BRIP1: variants seen among roughly 807,000 people sequenced by gnomAD.
The protein encoded by BRIP1 is Fanconi anemia group J protein.
BRIP1 carries 88 observed loss-of-function variants against 119.7 expected under a neutral mutation model. The ratio of observed to expected loss-of-function variants is 0.74; its 90% CI spans 0.62 to 0.88. BRIP1 has a LOEUF of 0.88. Ranked by LOEUF, BRIP1 falls within the 40% of genes least tolerant of loss-of-function variation. The pLI, the probability that BRIP1 is intolerant of heterozygous loss-of-function variation, is 0.00. For synonymous variants in BRIP1, 443 were observed against 496.5 expected (o/e 0.89, Z 1.43); for missense variants, 1,259 against 1,455.4 (o/e 0.87, Z 2.20).
At position 61,842,925 on chromosome 17, in the gene BRIP1, CTA is replaced by C. The variant is rs1170711459; in HGVS notation, c.627+4174_627+4175del. On this transcript the variant is annotated intron_variant, in intron 6 of 19. Coordinates refer to ENST00000259008, the MANE Select transcript of BRIP1 (RefSeq NM_032043.3). The surrounding 1 kb of genome is among the most constrained non-coding windows in gnomAD (Gnocchi z 5.1). ...GTTATACAGTTAATAAAGAGTAGAG[CTA>C]TGATTAAAATCCAAGCAGTCTCAAG... Among the ~76,000 whole-genome samples the C allele has an allele frequency of 2.0e-5, 3 of 152,074 alleles. No homozygotes were observed.
chr17:61,847,234 A>T lies in BRIP1; in HGVS notation c.508-14T>A. 1 of 1,613,602 alleles carries T rather than the reference A, an allele frequency of 6.2e-7. No homozygotes were observed. The highest frequency in any genetic ancestry group is 1.1e-5 in the South Asian group (1 of 91,078). ...ACGTTTTCTAATCTGTAAACACAGA[A>T]CCAAAATGAAGTTTAAGGTGAACTA... is the stretch of plus-strand genomic sequence containing the variant. On this transcript the variant is annotated splice_polypyrimidine_tract_variant and intron_variant, in intron 5 of 19. Coordinates refer to ENST00000259008, the MANE Select transcript of BRIP1 (RefSeq NM_032043.3).
chr17:61,737,963 G>A (rs1567775341), intron 16 of BRIP1, among the ~76,000 whole-genome samples: 2 of 152,344 alleles, frequency 1.3e-5, no homozygotes, highest in East Asian at 3.9e-4. Context: ...GTTAGCAGAT[G>A]TGATGTAAAT....
chr17:61,718,861 G>A (rs376896304), intron 16 of BRIP1, among the ~76,000 whole-genome samples: 2 of 152,152 alleles, frequency 1.3e-5, no homozygotes, highest in African/African-American at 4.8e-5. Flanking sequence ...AAATGACTTA[G>A]TATTTGCATA....
At position 61,680,487 on chromosome 17, in the gene BRIP1, T is replaced by C. The variant is rs1339664329; in HGVS notation, c.*2809A>G. ...CAATTCTAAAGGTAATTTCTTTTTT[T>C]TTTTTTTTTTGAGACGGAGTCCCGC... is the stretch of plus-strand genomic sequence containing the variant. On this transcript the variant is annotated 3_prime_UTR_variant, in exon 20 of 20. Transcript: ENST00000259008. Among the ~76,000 whole-genome samples, 1 of 144,828 alleles carries C rather than the reference T, an allele frequency of 6.9e-6. No individual in the cohort carries two copies. The highest frequency in any genetic ancestry group is 2.6e-5 in the African/African-American group (1 of 38,946).
At chr17:61,711,186 C>T (rs1026786806) in intron 17 of BRIP1, among the ~76,000 whole-genome samples, 5 of 151,890 alleles carry the variant, frequency 3.3e-5, no homozygotes, top group African/African-American at 9.7e-5. Flanking sequence ...GGTTTGTAAA[C>T]GAGAAAACCA....
chr17:61,768,253 AAATAT>A lies in BRIP1; in HGVS notation c.2097+8143_2097+8147del, dbSNP rs2077399641. Among the ~76,000 whole-genome samples the A allele has an allele frequency of 6.6e-6, 1 of 152,236 alleles. No homozygotes were observed. Among genetic ancestry groups the A allele is most frequent in the Non-Finnish European group, 1.5e-5 (1 of 68,038 alleles). ...TTATGAGATTTCTCAGGAAGATCTTAAATATAATATAAGCAAGGCTCTCAATATAA... is the reference window on the plus strand; with the variant it reads ...TTATGAGATTTCTCAGGAAGATCTTAAATATAAGCAAGGCTCTCAATATAA... On this transcript the variant is annotated intron_variant, in intron 14 of 19. Coordinates refer to ENST00000259008, the MANE Select transcript of BRIP1 (RefSeq NM_032043.3). This position sits in a 1 kb window ranked among gnomAD's most constrained non-coding sequence, Gnocchi z 5.0.
Position 61,685,841 on chromosome 17 carries a change from T to C in BRIP1, c.2900A>G (p.Glu967Gly), listed in dbSNP as rs1176224216. 6.2e-7 allele frequency: 1 copy of C among 1,608,238 alleles called. No homozygotes were observed. The highest frequency in any genetic ancestry group is 8.5e-7 in the Non-Finnish European group (1 of 1,175,782). The change falls in exon 19 of 20, where the codon GAG (glutamate) becomes GGG (glycine). Residue 967 changes from glutamate to glycine, a missense_variant. Physicochemically the swap from Glu to Gly is moderately conservative, Grantham distance 98. Transcript: ENST00000259008. ...PLPSSIISRK[E>G]KNDPVFLEEA... is the part of the protein sequence containing the mutation. ...ATGGGAAGAACTTTTCATACTTTTC[T>C]CCTTTCTGGAGATAATGCTACTTGG... is the stretch of plus-strand genomic sequence containing the variant.
chr17:61,779,672 T>C (rs2077584297), intron 13 of BRIP1, among the ~76,000 whole-genome samples: 1 of 151,178 alleles, frequency 6.6e-6, no homozygotes, highest in Non-Finnish European at 1.5e-5. Context: ...AAAATATAAA[T>C]AGGCTGGGCA....
Position 61,780,243 on chromosome 17 carries a change from A to T in BRIP1, c.1935+18T>A, listed in dbSNP as rs2145073296. 6.2e-7 allele frequency: 1 copy of T among 1,610,500 alleles called. No homozygotes were observed. Among genetic ancestry groups the T allele is most frequent in the Non-Finnish European group, 8.5e-7 (1 of 1,177,976 alleles). On this transcript the variant is annotated intron_variant, in intron 13 of 19. Transcript: ENST00000259008. This position sits in a 1 kb window ranked among gnomAD's most constrained non-coding sequence, Gnocchi z 5.4. ...TAGAAACACTGAAGGCCTTCCAAAA[A>T]AAAAAACAACAACTAACCTGTGAAT...
intron 6 of BRIP1, among the ~76,000 whole-genome samples, chr17:61,840,540 G>A (rs958804169): frequency 2.6e-5 from 4 of 152,106 alleles, no homozygotes; most frequent in Non-Finnish European, 5.9e-5. Flanking sequence ...ATTTTGGGAG[G>A]CCAAGGCAGG....
rs927994023 is a variant in BRIP1, at chr17:61,695,427, C to T, written c.2493-1915G>A. Among the ~76,000 whole-genome samples, 1 of 142,616 alleles carries T rather than the reference C, an allele frequency of 7.0e-6. No homozygotes were observed. The highest frequency in any genetic ancestry group is 3.1e-5 in the African/African-American group (1 of 32,490). 93.6% of individuals were successfully genotyped at this position (142,616 alleles called of 152,430 possible). A position where few individuals can be genotyped will look rare whatever the true frequency, so the allele number is the denominator to read the frequency against. On this transcript the variant is annotated intron_variant, in intron 17 of 19. Coordinates refer to ENST00000259008, the MANE Select transcript of BRIP1 (RefSeq NM_032043.3). This position sits in a 1 kb window ranked among gnomAD's most constrained non-coding sequence, Gnocchi z 4.3. ...TTTGAAATAGAAAACTGTTTGTTCT[C>T]CTAGTATGTTCTTCTTTTTCAAGAT...
chr17:61,691,760 T>G lies in BRIP1; in HGVS notation c.2575+1670A>C, dbSNP rs2061449759. Among the ~76,000 whole-genome samples the G allele has an allele frequency of 6.6e-6, 1 of 152,116 alleles. No individual in the cohort carries two copies. Among genetic ancestry groups the G allele is most frequent in the Non-Finnish European group, 1.5e-5 (1 of 68,010 alleles). On this transcript the variant is annotated intron_variant, in intron 18 of 19. Transcript: ENST00000259008. The surrounding 1 kb of genome is among the most constrained non-coding windows in gnomAD (Gnocchi z 5.0). The stretch of plus-strand genomic sequence containing the variant: ...TGAGCCACCATGCCCGGCTGCAATC[T>G]AAATTCATATGGAACCACAAAGGAC...
chr17:61,859,796 C>T lies in BRIP1; in HGVS notation c.205G>A (p.Gly69Arg), dbSNP rs372581879. Residue 69 changes from glycine (G) to arginine (R), a missense_variant and splice_region_variant, in exon 3 of 20, where the codon GGG (glycine) becomes AGG (arginine). Gly to Arg is a moderately radical substitution (Grantham distance 125). Coordinates refer to ENST00000259008, the MANE Select transcript of BRIP1 (RefSeq NM_032043.3). ...CTGAAGATATCAAGCAACTACTTAC[C>T]ACTAAGAGATTGTTGCCATGCTAAA... ...SALAWQQSLS[G>R]KPADEGVSEK... 5 of 1,600,038 alleles carry T rather than the reference C, an allele frequency of 3.1e-6. No homozygotes were observed. Among genetic ancestry groups the T allele is most frequent in the African/African-American group, 1.3e-5 (1 of 74,600 alleles).
In BRIP1 at chr17:61,713,714, G is replaced by GT. The variant is rs1345077081; in HGVS notation, c.2492+2236dup. ...TTTTTGTAGTTTTAGTAGAGATGGG[G>GT]TTTCACCACGTTGGCCAGGTTGCTA... On this transcript the variant is annotated intron_variant, in intron 17 of 19. Coordinates refer to ENST00000259008, the MANE Select transcript of BRIP1 (RefSeq NM_032043.3). This position sits in a 1 kb window ranked among gnomAD's most constrained non-coding sequence, Gnocchi z 4.9. Among the ~76,000 whole-genome samples the GT allele has an allele frequency of 6.6e-6, 1 of 151,956 alleles. No homozygotes were observed. Among genetic ancestry groups the GT allele is most frequent in the African/African-American group, 2.4e-5 (1 of 41,368 alleles).
At chr17:61,821,931 T>C (rs944805165) in intron 6 of BRIP1, among the ~76,000 whole-genome samples, 3 of 152,138 alleles carry the variant, frequency 2.0e-5, no homozygotes, top group Non-Finnish European at 4.4e-5. Flanking sequence ...TCAATGAATA[T>C]TACTGGTAGA....
chr17:61,773,210 A>T (rs1015481063), intron 14 of BRIP1, among the ~76,000 whole-genome samples: 2 of 152,144 alleles, frequency 1.3e-5, no homozygotes, highest in African/African-American at 4.8e-5. Context: ...CAAAAATTTT[A>T]AAAGAATTAA....
chr17:61,847,368 A>C (rs762112723), intron 5 of BRIP1, 148 bp from the exon 6 acceptor site: 7 of 819,362 alleles, frequency 8.5e-6, no homozygotes, highest in Non-Finnish European at 1.4e-5. Flanking sequence ...GAAATTTTAA[A>C]AATGCAAATA....
At chr17:61,772,004 T>C (rs1195211559) in intron 14 of BRIP1, among the ~76,000 whole-genome samples, 1 of 151,438 alleles carries the variant, frequency 6.6e-6, no homozygotes, top group Non-Finnish European at 1.5e-5. Context: ...GATCCAGAAA[T>C]TACATTTCTA....
intron 10 of BRIP1, among the ~76,000 whole-genome samples, chr17:61,788,847 A>C (rs1035122077): frequency 2.0e-5 from 3 of 152,076 alleles, no homozygotes; most frequent in African/African-American, 7.2e-5. Flanking sequence ...TAATCCTAGC[A>C]CTTTGAAAGA....
Sources: gnomAD v4.1 joint callset for allele counts (sites outside exome capture counted in the v4.1 genomes callset) on GRCh38, gnomAD v4.1.1 for gene constraint, Gnocchi (gnomAD v3.1) non-coding constraint, MANE v1.5 for transcripts, NCBI Gene and HGNC (gene_info 2026-07-23, HGNC 2026-07-21) for gene names.